Variants in DCC observed in about 807,000 individuals in gnomAD.
The protein encoded by DCC is DCC netrin 1 receptor, also known as netrin receptor DCC.
DCC carries 58 observed loss-of-function variants against 172.5 expected under a neutral mutation model. The observed-to-expected ratio is 0.34, with a 90% CI of 0.27 to 0.42. The LOEUF (loss-of-function observed/expected upper bound fraction) is 0.42. Ranked by LOEUF, DCC falls within the 10% of genes least tolerant of loss-of-function variation. The probability of loss-of-function intolerance (pLI) is 1.00; values close to 1 mark genes in which losing one functional copy is unlikely to be tolerated. For missense variants in DCC, 1,740 were observed against 1,791.0 expected (o/e 0.97, Z 0.51); for synonymous variants, 709 against 644.5 (o/e 1.10, Z -1.52).
At chr18:53,360,291 G>C (rs923738459) in intron 15 of DCC, among the ~76,000 whole-genome samples, 2 of 152,006 alleles carry the variant, frequency 1.3e-5, no homozygotes, top group African/African-American at 2.4e-5. Context: ...ATAGAATAGA[G>C]TTGATTACTT....
intron 12 of DCC, among the ~76,000 whole-genome samples, chr18:53,286,492 A>T (rs1170257983): frequency 6.6e-6 from 1 of 152,026 alleles, no homozygotes; most frequent in Non-Finnish European, 1.5e-5. Context: ...AGTCCAATAA[A>T]CCTCTTTCTT....
chr18:53,369,416 T>C (rs1438348921), intron 15 of DCC, among the ~76,000 whole-genome samples: 1 of 151,944 alleles, frequency 6.6e-6, no homozygotes, highest in Non-Finnish European at 1.5e-5. Context: ...CATAAGACTT[T>C]ATCATCTGCA....
intron 1 of DCC, among the ~76,000 whole-genome samples, chr18:52,420,633 A>G (rs1038703434): frequency 6.6e-6 from 1 of 152,170 alleles, no homozygotes; most frequent in Non-Finnish European, 1.5e-5. Context: ...TTACATGGGA[A>G]ATCATGGGGC....
chr18:53,233,341 T>A (rs944526944), intron 12 of DCC, among the ~76,000 whole-genome samples: 2 of 152,134 alleles, frequency 1.3e-5, no homozygotes, highest in Admixed American at 1.3e-4. Flanking sequence ...AAAATACACA[T>A]TTTTTTGCCT....
chr18:52,683,506 G>A (rs1352693888), intron 1 of DCC, among the ~76,000 whole-genome samples: 8 of 151,994 alleles, frequency 5.3e-5, no homozygotes, highest in Admixed American at 5.3e-4. Flanking sequence ...AATATTAATT[G>A]ACATATTGAT....
intron 1 of DCC, among the ~76,000 whole-genome samples, chr18:52,734,545 G>A (rs898189352): frequency 7.9e-5 from 12 of 152,046 alleles, no homozygotes; most frequent in African/African-American, 2.4e-4. Context: ...GTATCCAGGT[G>A]GGTATCCATG....
chr18:53,450,300 T>C (rs1484021293), intron 22 of DCC, among the ~76,000 whole-genome samples, 200 bp from the exon 23 acceptor site: 1 of 152,146 alleles, frequency 6.6e-6, no homozygotes, highest in East Asian at 1.9e-4. Context: ...TAAGGTTTTT[T>C]GTGCAGGCAT....
At chr18:53,126,883 T>C (rs533120141) in intron 7 of DCC, among the ~76,000 whole-genome samples, 107 of 152,276 alleles carry the variant, frequency 7.0e-4, no homozygotes, top group African/African-American at 2.5e-3. Flanking sequence ...AATGAGGTTA[T>C]GCTGTCTACT....
intron 2 of DCC, among the ~76,000 whole-genome samples, chr18:52,901,340 G>A (rs1181075461): frequency 2.0e-5 from 3 of 152,086 alleles, no homozygotes; most frequent in Non-Finnish European, 4.4e-5. Context: ...GACTGAGGTA[G>A]GAGAATCGCT....
intron 1 of DCC, among the ~76,000 whole-genome samples, chr18:52,533,254 T>C (rs944724788): frequency 6.6e-6 from 1 of 152,106 alleles, no homozygotes; most frequent in Admixed American, 6.6e-5. Flanking sequence ...TTGTACTCCT[T>C]TGTGTGTGTT....
chr18:53,085,676 T>C (rs907460794), intron 7 of DCC, among the ~76,000 whole-genome samples: 1 of 151,848 alleles, frequency 6.6e-6, no homozygotes, highest in African/African-American at 2.4e-5. Flanking sequence ...ATTTTTTTTT[T>C]AAATAGGAAT....
intron 1 of DCC, among the ~76,000 whole-genome samples, chr18:52,693,804 C>A (rs1008579083): frequency 6.6e-6 from 1 of 151,878 alleles, no homozygotes; most frequent in African/African-American, 2.4e-5. Context: ...CAAATCTGAG[C>A]AACAAAATAG....
chr18:52,596,462 A>C (rs74476440), intron 1 of DCC, among the ~76,000 whole-genome samples: 6,109 of 152,232 alleles, frequency 0.04, 159 homozygotes, highest in Non-Finnish European at 0.054. Flanking sequence ...TGATCATTGA[A>C]TCAGCATCAC....
At chr18:52,817,280 T>A (rs1303886443) in intron 2 of DCC, among the ~76,000 whole-genome samples, 1 of 152,168 alleles carries the variant, frequency 6.6e-6, no homozygotes, top group Non-Finnish European at 1.5e-5. Context: ...TGAATATTTT[T>A]ATAATATCTG....
intron 12 of DCC, among the ~76,000 whole-genome samples, chr18:53,228,365 ATTTC>A (rs1383026719): frequency 6.6e-6 from 1 of 152,160 alleles, no homozygotes; most frequent in African/African-American, 2.4e-5. Flanking sequence ...ATCTTGGATT[ATTTC>A]TTTCATTAAT....
At chr18:52,498,567 T>G (rs1483627026) in intron 1 of DCC, among the ~76,000 whole-genome samples, 1 of 152,020 alleles carries the variant, frequency 6.6e-6, no homozygotes, top group Non-Finnish European at 1.5e-5. Flanking sequence ...GAAGTTGCAG[T>G]GAGCCGAGAT....
At chr18:53,303,342 A>G (rs1197604873) in intron 12 of DCC, among the ~76,000 whole-genome samples, 1 of 152,172 alleles carries the variant, frequency 6.6e-6, no homozygotes, top group Non-Finnish European at 1.5e-5. Context: ...TTACCAGGGT[A>G]TTAATGACGT....
At chr18:52,984,411 T>A (rs1285386344) in intron 5 of DCC, among the ~76,000 whole-genome samples, 3 of 152,078 alleles carry the variant, frequency 2.0e-5, no homozygotes, top group Non-Finnish European at 2.9e-5. Context: ...CTTTTCTATT[T>A]TTTGTTATAT....
chr18:52,451,761 C>T (rs887132588), intron 1 of DCC, among the ~76,000 whole-genome samples: 5 of 152,098 alleles, frequency 3.3e-5, no homozygotes, highest in South Asian at 2.1e-4. Flanking sequence ...AGAACTGAGT[C>T]GGCTCGTAGG....
Sources: allele counts gnomAD v4.1 joint callset (sites outside exome capture counted in the v4.1 genomes callset), GRCh38; gene constraint gnomAD v4.1.1; transcripts MANE v1.5; gene names NCBI Gene and HGNC (gene_info 2026-07-23, HGNC 2026-07-21).